GPATCH1: variants seen among roughly 807,000 people sequenced by gnomAD.
The protein encoded by GPATCH1 is G patch domain-containing protein 1.
A neutral mutation model predicts 114.9 loss-of-function variants in GPATCH1; 73 were observed. The observed-to-expected ratio is 0.64, with a 90% CI of 0.53 to 0.77. GPATCH1 has a LOEUF of 0.77. GPATCH1 is among the 30% of genes least tolerant of loss of function. The probability of loss-of-function intolerance (pLI) is 0.00; values close to 1 mark genes in which losing one functional copy is unlikely to be tolerated. For missense variants in GPATCH1, 1,058 were observed against 1,144.3 expected, an observed-to-expected ratio of 0.92 and a Z score of 1.09; for synonymous variants, 391 against 428.4, an observed-to-expected ratio of 0.91 and a Z score of 1.08.
At chr19:33,125,405 T>G (rs2145342119) in intron 18 of GPATCH1, among the ~76,000 whole-genome samples, 1 of 148,368 alleles carries the variant, frequency 6.7e-6, no homozygotes, top group African/African-American at 2.4e-5. Context: ...CCCCCCCGCT[T>G]TTTTTTTTTT....
In GPATCH1 at chr19:33,128,292, G is replaced by A. The variant is rs150337033; in HGVS notation, c.2765+1559G>A. ...ATCATTTTTTTTGAGACAGAGTCTT[G>A]CTCTGTCACCCAAGCTGGAGTGCAG... On this transcript the variant is annotated intron_variant, in intron 19 of 19. Coordinates refer to ENST00000170564, the MANE Select transcript of GPATCH1 (RefSeq NM_018025.3). Among the ~76,000 whole-genome samples the A allele has an allele frequency of 9.4e-4, 143 of 151,976 alleles. 1 individual carries two copies. The East Asian group carries it at 0.026, about 27-fold the overall frequency.
At chr19:33,090,732 C>A in intron 2 of GPATCH1, 48 bp from the exon 3 acceptor site, 3 of 1,196,862 alleles carry the variant, frequency 2.5e-6, no homozygotes, top group Non-Finnish European at 3.7e-6. Flanking sequence ...TACTCATAGA[C>A]CCAAATACTC....
chr19:33,122,312 C>G (rs1464276653), intron 17 of GPATCH1, among the ~76,000 whole-genome samples: 1 of 141,244 alleles, frequency 7.1e-6, no homozygotes, highest in Admixed American at 7.3e-5. Context: ...CCTGGTTGTT[C>G]GGCCCTTTAG....
chr19:33,085,720 A>G (rs1214890271), intron 1 of GPATCH1, among the ~76,000 whole-genome samples: 2 of 152,326 alleles, frequency 1.3e-5, no homozygotes, highest in Admixed American at 6.5e-5. Context: ...ATGAGATGAT[A>G]TGTACTAAAG....
intron 9 of GPATCH1, among the ~76,000 whole-genome samples, chr19:33,105,403 C>A: frequency 1.5e-5 from 2 of 134,336 alleles, no homozygotes; most frequent in South Asian, 2.4e-4. Context: ...CAGAGCAAGA[C>A]TCTGTCTCAA....
intron 9 of GPATCH1, among the ~76,000 whole-genome samples, chr19:33,104,080 A>G (rs1972756017): frequency 6.6e-6 from 1 of 152,086 alleles, no homozygotes; most frequent in Non-Finnish European, 1.5e-5. Flanking sequence ...CTGTAATCCT[A>G]GCACTTTGGG....
At position 33,124,927 on chromosome 19, in the gene GPATCH1, G is replaced by A. The variant is rs1973023308; in HGVS notation, c.2522-178G>A. Among the ~76,000 whole-genome samples, 4 of 152,102 alleles carry A rather than the reference G, an allele frequency of 2.6e-5. No homozygotes were observed. The South Asian group carries it at 6.2e-4, about 24-fold the overall frequency. On this transcript the variant is annotated intron_variant, in intron 17 of 19. Transcript: ENST00000170564. ...AGCTTTCTAAGTACAACTCTGCAAG[G>A]TGGTGTGCTAATCTGTTTCTCAGTG...
At chr19:33,123,375 G>A (rs1277389737) in intron 17 of GPATCH1, among the ~76,000 whole-genome samples, 2 of 151,506 alleles carry the variant, frequency 1.3e-5, no homozygotes, top group Non-Finnish European at 1.5e-5. Flanking sequence ...ACTCCAGCCT[G>A]GGCAACAAGA....
At chr19:33,084,524 C>T (rs1028384149) in intron 1 of GPATCH1, among the ~76,000 whole-genome samples, 1 of 152,182 alleles carries the variant, frequency 6.6e-6, no homozygotes, top group East Asian at 1.9e-4. Flanking sequence ...CCCTCGCCCC[C>T]AGGACACACT....
intron 1 of GPATCH1, 27 bp from the exon 2 acceptor site, chr19:33,088,107 A>G (rs778871288): frequency 1.5e-6 from 2 of 1,362,518 alleles, no homozygotes; most frequent in Middle Eastern, 1.9e-4. Flanking sequence ...TTTTCATTTA[A>G]AAAACTTTTT....
intron 8 of GPATCH1, among the ~76,000 whole-genome samples, chr19:33,099,639 C>A (rs1972702379): frequency 6.6e-6 from 1 of 151,834 alleles, no homozygotes; most frequent in African/African-American, 2.4e-5. Context: ...CACTCTGTCA[C>A]CCAGGCTGGA....
At chr19:33,088,342 CT>C (rs879692801) in intron 2 of GPATCH1, 74 bp downstream of exon 2, 139,199 of 811,228 alleles carry the variant, frequency 0.17, no homozygotes, top group South Asian at 0.24. Flanking sequence ...CTCACCCTTG[CT>C]TTTTTTTTTT....
At chr19:33,098,480 A>T (rs184399583) in intron 8 of GPATCH1, among the ~76,000 whole-genome samples, 262 of 152,302 alleles carry the variant, frequency 1.7e-3, no homozygotes, top group African/African-American at 6.1e-3. Flanking sequence ...GTCACATTTC[A>T]GTTGTTTCCA....
chr19:33,111,276 C>T (rs1240480410), intron 11 of GPATCH1, among the ~76,000 whole-genome samples: 4 of 150,664 alleles, frequency 2.7e-5, no homozygotes, highest in African/African-American at 4.9e-5. Context: ...CCCAGCTACT[C>T]GGGAGACTGA....
intron 17 of GPATCH1, among the ~76,000 whole-genome samples, chr19:33,120,006 T>C: frequency 7.1e-6 from 1 of 140,960 alleles, no homozygotes; most frequent in East Asian, 2.0e-4. Context: ...TATTATATTT[T>C]ATATATTTTA....
chr19:33,093,247 A>G, intron 3 of GPATCH1, 112 bp from the exon 4 acceptor site: 3 of 644,902 alleles, frequency 4.7e-6, no homozygotes, highest in Non-Finnish European at 7.9e-6. Flanking sequence ...CTGCTGATCC[A>G]GAACTAAATT....
chr19:33,107,203 C>T (rs1005909757), intron 10 of GPATCH1, among the ~76,000 whole-genome samples: 7 of 152,182 alleles, frequency 4.6e-5, no homozygotes, highest in African/African-American at 1.7e-4. Context: ...CCACCTCAGA[C>T]TCCCATGTTG....
intron 17 of GPATCH1, among the ~76,000 whole-genome samples, chr19:33,121,991 A>G (rs905855555): frequency 1.8e-4 from 28 of 152,260 alleles, no homozygotes; most frequent in African/African-American, 6.7e-4. Context: ...TGTATTTCTT[A>G]TTTGCTATAG....
intron 10 of GPATCH1, 122 bp downstream of exon 10, chr19:33,107,021 AT>A (rs1168811116): frequency 2.3e-5 from 16 of 696,706 alleles, no homozygotes; most frequent in South Asian, 2.1e-4. Flanking sequence ...AACTGTGGAA[AT>A]ACCACTATTT....
Sources: gnomAD v4.1 joint callset for allele counts (sites outside exome capture counted in the v4.1 genomes callset) on GRCh38, gnomAD v4.1.1 for gene constraint, MANE v1.5 for transcripts, NCBI Gene and HGNC (gene_info 2026-07-23, HGNC 2026-07-21) for gene names.